Variants in DNAH10 observed in about 807,000 individuals in gnomAD.
DNAH10 encodes the protein axonemal beta dynein heavy chain 10.
A neutral mutation model predicts 506.6 loss-of-function variants in DNAH10; 348 were observed. The ratio of observed to expected loss-of-function variants is 0.69; its 90% CI spans 0.63 to 0.75. The LOEUF is 0.75. Ranked by LOEUF, DNAH10 falls within the 30% of genes least tolerant of loss-of-function variation. DNAH10 has a pLI of 0.00. For missense variants in DNAH10, 5,179 were observed against 5,787.1 expected, an observed-to-expected ratio of 0.89 and a Z score of 3.41; for synonymous variants, 2,059 against 2,198.6, an observed-to-expected ratio of 0.94 and a Z score of 1.78.
At chr12:123,880,613 G>A (rs527339993) in intron 50 of DNAH10, among the ~76,000 whole-genome samples, 1 of 151,484 alleles carries the variant, frequency 6.6e-6, no homozygotes, top group East Asian at 1.9e-4. Flanking sequence ...CCAAAGTGCT[G>A]GGATTATAGG....
intron 52 of DNAH10, among the ~76,000 whole-genome samples, chr12:123,890,122 A>G (rs1012835321): frequency 6.6e-6 from 1 of 152,208 alleles, no homozygotes; most frequent in Non-Finnish European, 1.5e-5. Context: ...GATGCCATGG[A>G]CACCTTTAGA....
chr12:123,819,189 G>C lies in DNAH10; in HGVS notation c.3939G>C (p.Glu1313Asp), dbSNP rs778325814. 5.0e-6 allele frequency: 8 copies of C among 1,613,604 alleles called. No individual in the cohort carries two copies. The South Asian group carries it at 7.7e-5, about 16-fold the overall frequency. The change falls in exon 23 of 79, where the codon GAG becomes GAC. Residue 1313 changes from glutamate (E) to aspartate (D), a missense_variant. Glu to Asp is a conservative substitution (Grantham distance 45, BLOSUM62 2). Coordinates refer to ENST00000673944, the MANE Select transcript of DNAH10 (RefSeq NM_001372106.1). ...GEIMNYRVQI[E>D]EFAKRFYSEG... ...TAATGAACTACAGAGTTCAGATAGA[G>C]GAGTTTGCAAAGCGTTTTTACAGTG...
chr12:123,810,364 G>A (rs1397436629), intron 19 of DNAH10, among the ~76,000 whole-genome samples: 2 of 152,198 alleles, frequency 1.3e-5, no homozygotes, highest in African/African-American at 4.8e-5. Flanking sequence ...TCAGAATAGG[G>A]AATTTCATTT....
At position 123,914,311 on chromosome 12, in the gene DNAH10, C is replaced by A; in HGVS notation, c.10353-18C>A. On this transcript the variant is annotated intron_variant, in intron 60 of 78. Coordinates refer to ENST00000673944, the MANE Select transcript of DNAH10 (RefSeq NM_001372106.1). Reference sequence around the variant, plus strand: ...CAGAAGGTAAACTCACGGCAGCCTCCCTCTCCTCCCGTGCCAGGTGGCTGA... The same window carrying A: ...CAGAAGGTAAACTCACGGCAGCCTCACTCTCCTCCCGTGCCAGGTGGCTGA... 6.2e-7 allele frequency: 1 copy of A among 1,605,316 alleles called. No homozygotes were observed. The highest frequency in any genetic ancestry group is 1.1e-5 in the South Asian group (1 of 90,278).
In DNAH10 at chr12:123,898,779, C is replaced by T. The variant is rs1455422144; in HGVS notation, c.9605C>T (p.Ala3202Val). 6.2e-7 allele frequency: 1 copy of T among 1,612,094 alleles called. No individual in the cohort carries two copies. Among genetic ancestry groups the T allele is most frequent in the East Asian group, 2.2e-5 (1 of 44,854 alleles). The change falls in exon 56 of 79, where the codon GCC (alanine) becomes GTC (valine). Residue 3202 changes from alanine (A) to valine (V), a missense_variant. Ala to Val is a moderately conservative substitution (Grantham distance 64). Around this residue, in one of 3 missense-constraint regions of DNAH10, gnomAD observed 4,844 missense variants for 5,430.5 expected, o/e 0.89. Transcript: ENST00000673944. Reference protein sequence around the residue: ...VLAEKSAACEALLEEIAVNTA... With the variant: ...VLAEKSAACEVLLEEIAVNTA... ...GCGGAGAAGTCCGCCGCCTGCGAGG[C>T]CTTGCTGGAGGAGATCGCCGTCAAC...
rs61743050 is a variant in DNAH10, at chr12:123,879,682, G to T, written c.8515G>T (p.Val2839Leu). The T allele has an allele frequency of 6.2e-7, 1 of 1,613,858 alleles. No individual in the cohort carries two copies. The highest frequency in any genetic ancestry group is 8.5e-7 in the Non-Finnish European group (1 of 1,179,888). ...SLVVEHFKDD[V>L]EVVMRDPILF... ...GGTTGTGGAACATTTTAAAGATGACGTGGAGGTGGTGATGAGGGATCCCAT... is the reference window on the plus strand; with the variant it reads ...GGTTGTGGAACATTTTAAAGATGACTTGGAGGTGGTGATGAGGGATCCCAT... Residue 2839 changes from valine to leucine, a missense_variant, in exon 50 of 79, where the codon GTG becomes TTG. Coordinates refer to ENST00000673944, the MANE Select transcript of DNAH10 (RefSeq NM_001372106.1).
chr12:123,879,122 A>G, intron 48 of DNAH10, 142 bp from the exon 49 acceptor site: 1 of 632,500 alleles, frequency 1.6e-6, no homozygotes, highest in South Asian at 2.2e-5. Flanking sequence ...GATTTCATTA[A>G]CGTGAGACTA....
chr12:123,819,297 G>A, intron 23 of DNAH10, 47 bp downstream of exon 23: 1 of 1,413,874 alleles, frequency 7.1e-7, no homozygotes, highest in South Asian at 1.2e-5. Flanking sequence ...AGTAGCAAAT[G>A]TTTGAGTATG....
intron 26 of DNAH10, among the ~76,000 whole-genome samples, chr12:123,831,030 T>C (rs993386540): frequency 6.6e-6 from 1 of 152,214 alleles, no homozygotes; most frequent in African/African-American, 2.4e-5. Context: ...GTTGTAGAAA[T>C]AGAATTTCCT....
At position 123,783,139 on chromosome 12, in the gene DNAH10, G is replaced by C; in HGVS notation, c.874G>C (p.Val292Leu). 1 of 1,614,180 alleles carries C rather than the reference G, an allele frequency of 6.2e-7. No homozygotes were observed. Among genetic ancestry groups the C allele is most frequent in the Non-Finnish European group, 8.5e-7 (1 of 1,180,024 alleles). ...EIKLEMPIIS[V>L]EGEVSDLAAD... Reference sequence around the variant, plus strand: ...CAAGTTAGAAATGCCAATCATCAGTGTGGAGGGAGAGGTGTCTGACCTGGC... The same window carrying C: ...CAAGTTAGAAATGCCAATCATCAGTCTGGAGGGAGAGGTGTCTGACCTGGC... The change falls in exon 7 of 79, where the codon GTG becomes CTG. Residue 292 changes from valine (V) to leucine (L), a missense_variant. Val to Leu is a conservative substitution (Grantham distance 32, BLOSUM62 1). This residue lies in a region of DNAH10 where 4,844 missense variants were observed against 5,430.5 expected (regional missense o/e 0.89). Transcript: ENST00000673944.
intron 30 of DNAH10, among the ~76,000 whole-genome samples, chr12:123,842,588 G>A (rs1265702764): frequency 2.0e-5 from 3 of 152,176 alleles, no homozygotes; most frequent in Admixed American, 1.3e-4. Flanking sequence ...AAAATTATTA[G>A]CGAATAGCAT....
In DNAH10 at chr12:123,846,449, G is replaced by T. The variant is rs1950954366; in HGVS notation, c.5814+295G>T. ...TCAAAGGTGGTGACTGTTAGGGCAA[G>T]TGTGATGTGGTTTTGCACGTCTTGT... On this transcript the variant is annotated intron_variant, in intron 32 of 78. Transcript: ENST00000673944. This position sits in a 1 kb window ranked among gnomAD's most constrained non-coding sequence, Gnocchi z 4.5. 6.6e-6 allele frequency among the ~76,000 whole-genome samples: 1 copy of T among 152,200 alleles called. No homozygotes were observed. Among genetic ancestry groups the T allele is most frequent in the Admixed American group, 6.5e-5 (1 of 15,288 alleles).
intron 65 of DNAH10, among the ~76,000 whole-genome samples, chr12:123,921,028 C>T (rs561140166): frequency 2.8e-4 from 42 of 152,322 alleles, no homozygotes; most frequent in Admixed American, 5.9e-4. Context: ...CTGCCTCGGC[C>T]TCCCAAAGTG....
rs753999985 is a variant in DNAH10 at position 123,930,569 on chromosome 12, T to C, written c.12780T>C (p.Phe4260=). Residue 4260 remains phenylalanine (F), a synonymous_variant, in exon 73 of 79, where the codon TTT becomes TTC. Coordinates refer to ENST00000673944, the MANE Select transcript of DNAH10 (RefSeq NM_001372106.1). ...CTGTTGGTGATGAAAAGGAGAAATTTGTTGGTGAGATTTCTCAGACATGAA... is the reference window on the plus strand; with the variant it reads ...CTGTTGGTGATGAAAAGGAGAAATTCGTTGGTGAGATTTCTCAGACATGAA... ...KIPVGDEKEK[F]VEAIEALPLA... is the part of the protein sequence containing the mutation. The C allele has an allele frequency of 1.4e-4, 231 of 1,605,362 alleles. No homozygotes were observed. Among genetic ancestry groups the C allele is most frequent in the Admixed American group, 1.9e-4 (11 of 56,782 alleles).
intron 17 of DNAH10, 141 bp from the exon 18 acceptor site, chr12:123,804,691 TA>T: frequency 1.4e-6 from 1 of 725,686 alleles, no homozygotes; most frequent in Admixed American, 2.4e-5. Context: ...TGTGTTCTGA[TA>T]TTGACTTATG....
At position 123,917,709 on chromosome 12, in the gene DNAH10, C is replaced by A; in HGVS notation, c.11128C>A (p.Leu3710Met). The change falls in exon 64 of 79, where the codon CTG (leucine) becomes ATG (methionine). Residue 3710 changes from leucine (L) to methionine (M), a missense_variant. Physicochemically the swap from Leu to Met is conservative, Grantham distance 15 (BLOSUM62 2). This residue lies in a region of DNAH10 where 4,844 missense variants were observed against 5,430.5 expected (regional missense o/e 0.89). Transcript: ENST00000673944. The surrounding 1 kb of genome is among the most constrained non-coding windows in gnomAD (Gnocchi z 5.6). ...TSENKNLLKDLEDSLLRELAT... is the reference protein window; with the variant it reads ...TSENKNLLKDMEDSLLRELAT... ...CGAGAACAAGAACCTGCTCAAGGAC[C>A]TGGAAGATTCCCTCCTTCGGGAGCT... 1 of 1,561,276 alleles carries A rather than the reference C, an allele frequency of 6.4e-7. No homozygotes were observed. The highest frequency in any genetic ancestry group is 1.4e-5 in the African/African-American group (1 of 73,516).
Position 123,844,093 on chromosome 12 carries a change from C to T in DNAH10, c.5361-1507C>T, listed in dbSNP as rs11833130. The stretch of plus-strand genomic sequence containing the variant: ...GGCCTCAGGAAACTTACAGTCATGG[C>T]GGAAGACAAAGGAAAAGCAAGTACC... On this transcript the variant is annotated intron_variant, in intron 30 of 78. Transcript: ENST00000673944. Among the ~76,000 whole-genome samples the T allele has an allele frequency of 5.3e-5, 8 of 151,840 alleles. No individual in the cohort carries two copies. In the South Asian group the frequency reaches 6.2e-4, roughly 12 times the overall value.
intron 21 of DNAH10, among the ~76,000 whole-genome samples, chr12:123,818,481 G>T: frequency 6.6e-6 from 1 of 151,662 alleles, no homozygotes; most frequent in African/African-American, 2.4e-5. Flanking sequence ...CTGCCACCAC[G>T]CCTGGCTAAT....
chr12:123,933,447 C>A lies in DNAH10; in HGVS notation c.13413C>A (p.Ser4471=). Reference sequence around the variant, plus strand: ...AGAACGGCTGGCCACTGGACCGCTCCACCTTGTTCACACAAGTGACCAAGT... The same window carrying A: ...AGAACGGCTGGCCACTGGACCGCTCAACCTTGTTCACACAAGTGACCAAGT... ...CRKNGWPLDR[S]TLFTQVTKFQ... Residue 4471 remains serine (S), a synonymous_variant, in exon 77 of 79, where the codon TCC becomes TCA. Coordinates refer to ENST00000673944, the MANE Select transcript of DNAH10 (RefSeq NM_001372106.1). 1 of 1,612,794 alleles carries A rather than the reference C, an allele frequency of 6.2e-7. No individual in the cohort carries two copies. Among genetic ancestry groups the A allele is most frequent in the Non-Finnish European group, 8.5e-7 (1 of 1,179,668 alleles).
Sources: allele counts gnomAD v4.1 joint callset (sites outside exome capture counted in the v4.1 genomes callset), GRCh38; gene constraint gnomAD v4.1.1; regional missense constraint gnomAD v4.1.1; non-coding constraint Gnocchi (gnomAD v3.1); transcripts MANE v1.5; gene names NCBI Gene and HGNC (gene_info 2026-07-23, HGNC 2026-07-21).